The following KCNH1 variants were observed in gnomAD, a reference collection of about 807,000 sequenced individuals.
The protein encoded by KCNH1 is voltage-gated delayed rectifier potassium channel KCNH1.
Under a neutral mutation model 69.2 loss-of-function variants are expected in KCNH1, and 27 were observed. The ratio of observed to expected loss-of-function variants is 0.39; its 90% CI spans 0.29 to 0.54. The LOEUF (loss-of-function observed/expected upper bound fraction) is 0.54, where lower values mean the gene tolerates loss of function less well. Among genes scored for constraint, KCNH1 ranks in the 20% least tolerant of loss-of-function variants. The pLI, the probability that KCNH1 is intolerant of heterozygous loss-of-function variation, is 0.68. For missense variants in KCNH1, 798 were observed against 1,261.6 expected, an observed-to-expected ratio of 0.63 and a Z score of 5.57; for synonymous variants, 456 against 487.7, an observed-to-expected ratio of 0.93 and a Z score of 0.86.
chr1:210,819,009 C>T (rs2102423664), intron 7 of KCNH1, among the ~76,000 whole-genome samples: 1 of 152,168 alleles, frequency 6.6e-6, no homozygotes, highest in South Asian at 2.1e-4. Context: ...CATTGGATGC[C>T]TTATTTTTTA....
intron 7 of KCNH1, among the ~76,000 whole-genome samples, chr1:210,809,442 C>A (rs1005558121): frequency 6.6e-6 from 1 of 151,962 alleles, no homozygotes; most frequent in Non-Finnish European, 1.5e-5. Flanking sequence ...AAGAATAAGA[C>A]AAAGATGTAT....
intron 6 of KCNH1, among the ~76,000 whole-genome samples, chr1:210,955,449 G>A (rs989083491): frequency 2.6e-5 from 4 of 152,148 alleles, no homozygotes; most frequent in Non-Finnish European, 5.9e-5. Flanking sequence ...AAAGTCATTG[G>A]TAGCTTGATG....
chr1:210,859,133 G>C, intron 7 of KCNH1: 2 of 1,188,694 alleles, frequency 1.7e-6, no homozygotes, highest in Non-Finnish European at 1.3e-6. Context: ...AGGAACACAA[G>C]CTCTTCACTA....
chr1:210,691,059 C>G (rs1012500440), intron 10 of KCNH1, among the ~76,000 whole-genome samples: 8 of 152,220 alleles, frequency 5.3e-5, no homozygotes, highest in African/African-American at 1.9e-4. Context: ...TTTCACAGAA[C>G]TGTTATGAGG....
intron 5 of KCNH1, among the ~76,000 whole-genome samples, chr1:211,033,293 A>G (rs1221036367): frequency 6.6e-6 from 1 of 152,236 alleles, no homozygotes; most frequent in East Asian, 1.9e-4. Flanking sequence ...GAGAAATAGG[A>G]ACACTTTTTT....
rs1216220512 is a variant in KCNH1, at chr1:211,104,945, C to T, written c.204-1343G>A. Among the ~76,000 whole-genome samples the T allele has an allele frequency of 2.0e-5, 3 of 152,214 alleles. No homozygotes were observed. In the East Asian group the frequency reaches 5.8e-4, roughly 29 times the overall value. On this transcript the variant is annotated intron_variant, in intron 2 of 10. Transcript: ENST00000271751. Reference sequence around the variant, plus strand: ...CTGAACCACCAAGTCAAGCACCATGCTTAGCTTGATACCAGAACAGCCTTG... The same window carrying T: ...CTGAACCACCAAGTCAAGCACCATGTTTAGCTTGATACCAGAACAGCCTTG...
chr1:210,912,816 A>G (rs1355091044), intron 7 of KCNH1, among the ~76,000 whole-genome samples: 2 of 152,238 alleles, frequency 1.3e-5, no homozygotes, highest in Non-Finnish European at 2.9e-5. Flanking sequence ...TCTTTCCCAC[A>G]TTACAGCAGC....
chr1:211,037,802 G>T (rs189051498), intron 5 of KCNH1, among the ~76,000 whole-genome samples: 96 of 152,130 alleles, frequency 6.3e-4, no homozygotes, highest in Admixed American at 2.0e-3. Context: ...ATCTCAACTT[G>T]AATTGTATCT....
intron 7 of KCNH1, among the ~76,000 whole-genome samples, chr1:210,915,450 A>G (rs966567262): frequency 6.6e-6 from 1 of 152,108 alleles, no homozygotes; most frequent in African/African-American, 2.4e-5. Flanking sequence ...GGCATTACCA[A>G]TGCATAGGAG....
At chr1:210,852,676 G>A (rs1361186268) in intron 7 of KCNH1, among the ~76,000 whole-genome samples, 2 of 152,118 alleles carry the variant, frequency 1.3e-5, no homozygotes, top group African/African-American at 4.8e-5. Flanking sequence ...ATAATATTTA[G>A]GCAAACGCGC....
At chr1:211,132,371 T>C (rs1052087965) in intron 1 of KCNH1, among the ~76,000 whole-genome samples, 5 of 152,206 alleles carry the variant, frequency 3.3e-5, no homozygotes, top group Admixed American at 2.0e-4. Flanking sequence ...ATAGCAATTA[T>C]CATCCCCTTG....
intron 7 of KCNH1, among the ~76,000 whole-genome samples, chr1:210,917,032 C>T (rs142718761): frequency 0.014 from 2,104 of 151,750 alleles, 56 homozygotes; most frequent in African/African-American, 0.047. Flanking sequence ...CCTATAAGCC[C>T]AGCTACTTGG....
intron 5 of KCNH1, among the ~76,000 whole-genome samples, chr1:211,026,761 T>TC (rs1156288218): frequency 6.6e-6 from 1 of 152,146 alleles, no homozygotes; most frequent in Non-Finnish European, 1.5e-5. Context: ...AGTTGGGATT[T>TC]CCACCACTGC....
At chr1:211,073,858 C>A (rs1208152381) in intron 5 of KCNH1, among the ~76,000 whole-genome samples, 1 of 151,272 alleles carries the variant, frequency 6.6e-6, no homozygotes, top group Non-Finnish European at 1.5e-5. Flanking sequence ...AAAATTGGAG[C>A]AGAAAGCAAT....
intron 6 of KCNH1, among the ~76,000 whole-genome samples, chr1:211,000,057 T>C (rs1290361217): frequency 2.6e-5 from 4 of 152,184 alleles, no homozygotes; most frequent in Non-Finnish European, 5.9e-5. Flanking sequence ...GCCAATATCA[T>C]ACTGAATGGG....
At chr1:211,043,690 A>T (rs2102434048) in intron 5 of KCNH1, among the ~76,000 whole-genome samples, 1 of 152,316 alleles carries the variant, frequency 6.6e-6, no homozygotes, top group African/African-American at 2.4e-5. Flanking sequence ...AAAACTCCTT[A>T]ACAAAATACT....
chr1:210,967,696 T>A (rs56999636), intron 6 of KCNH1, among the ~76,000 whole-genome samples: 11,476 of 152,098 alleles, frequency 0.075, 814 homozygotes, highest in East Asian at 0.38. Context: ...TTATAAGAAG[T>A]CTTAATTTCT....
At chr1:210,707,349 C>G (rs1342704215) in intron 10 of KCNH1, among the ~76,000 whole-genome samples, 1 of 152,144 alleles carries the variant, frequency 6.6e-6, no homozygotes, top group African/African-American at 2.4e-5. Flanking sequence ...AGCACACAGA[C>G]AGTCTGCCTG....
intron 9 of KCNH1, among the ~76,000 whole-genome samples, chr1:210,777,746 G>A (rs1318290581): frequency 2.0e-5 from 3 of 152,174 alleles, no homozygotes; most frequent in African/African-American, 7.2e-5. Context: ...CATTATGGTA[G>A]GTAGTTAAAA....
Sources: gnomAD v4.1 joint callset for allele counts (sites outside exome capture counted in the v4.1 genomes callset) on GRCh38, gnomAD v4.1.1 for gene constraint, MANE v1.5 for transcripts, NCBI Gene and HGNC (gene_info 2026-07-23, HGNC 2026-07-21) for gene names.